CECR2: variants seen among roughly 807,000 people sequenced by gnomAD.
The protein encoded by CECR2 is chromatin remodeling regulator CECR2.
Under a neutral mutation model 154.5 loss-of-function variants are expected in CECR2, and 30 were observed. The observed-to-expected ratio is 0.19, with a 90% CI of 0.15 to 0.26. The LOEUF is 0.26. Ranked by LOEUF, CECR2 falls within the 10% of genes least tolerant of loss-of-function variation. The pLI is 1.00. For synonymous variants in CECR2, 725 were observed against 683.7 expected, an observed-to-expected ratio of 1.06 and a Z score of -0.94; for missense variants, 1,743 against 1,829.3, an observed-to-expected ratio of 0.95 and a Z score of 0.86.
At chr22:17,420,028 G>A (rs2054221241) in intron 1 of CECR2, among the ~76,000 whole-genome samples, 1 of 152,104 alleles carries the variant, frequency 6.6e-6, no homozygotes, top group Non-Finnish European at 1.5e-5. Flanking sequence ...GTAGAGGGGA[G>A]GATAAAAAGA....
intron 6 of CECR2, among the ~76,000 whole-genome samples, chr22:17,504,500 G>A (rs1331182778): frequency 2.0e-5 from 3 of 151,466 alleles, no homozygotes; most frequent in Non-Finnish European, 4.4e-5. Flanking sequence ...GCAGTGGCGT[G>A]ATCTCGGCTC....
intron 1 of CECR2, among the ~76,000 whole-genome samples, chr22:17,363,148 C>G (rs2062985485): frequency 6.6e-6 from 1 of 151,272 alleles, no homozygotes; most frequent in Non-Finnish European, 1.5e-5. Flanking sequence ...CTCCAGGGTT[C>G]AAGCGATTCT....
chr22:17,444,176 T>C (rs539893487), intron 1 of CECR2, among the ~76,000 whole-genome samples: 27 of 152,152 alleles, frequency 1.8e-4, no homozygotes, highest in Non-Finnish European at 2.1e-4. Context: ...CAGGCCCTGG[T>C]GGTTTCTTTT....
At chr22:17,512,928 C>G (rs2055985589) in intron 8 of CECR2, among the ~76,000 whole-genome samples, 1 of 152,038 alleles carries the variant, frequency 6.6e-6, no homozygotes, top group East Asian at 1.9e-4. Flanking sequence ...AGCAAAACAA[C>G]ATAAATGGGA....
chr22:17,416,078 C>T (rs1326303413), intron 1 of CECR2, among the ~76,000 whole-genome samples: 1 of 152,182 alleles, frequency 6.6e-6, no homozygotes, highest in East Asian at 1.9e-4. Context: ...CAACATGAAG[C>T]CTGCAGTCAA....
At chr22:17,531,179 T>A (rs1307181515) in intron 9 of CECR2, among the ~76,000 whole-genome samples, 2 of 152,056 alleles carry the variant, frequency 1.3e-5, no homozygotes, top group Non-Finnish European at 2.9e-5. Context: ...ACATGACTCT[T>A]TGGTAAAATG....
chr22:17,434,996 C>G (rs1438009415), intron 1 of CECR2, among the ~76,000 whole-genome samples: 1 of 152,142 alleles, frequency 6.6e-6, no homozygotes, highest in Non-Finnish European at 1.5e-5. Flanking sequence ...ACTCAGAAGC[C>G]TGCAGGGCCA....
intron 1 of CECR2, among the ~76,000 whole-genome samples, chr22:17,454,862 T>A (rs149887987): frequency 0.013 from 1,924 of 152,260 alleles, 31 homozygotes; most frequent in African/African-American, 0.044. Context: ...GAACATAAAT[T>A]TAATTTCCTC....
At chr22:17,527,233 AGATT>A (rs1407192532) in intron 9 of CECR2, among the ~76,000 whole-genome samples, 1 of 152,184 alleles carries the variant, frequency 6.6e-6, no homozygotes, top group African/African-American at 2.4e-5. Context: ...CAAGGCTGGC[AGATT>A]GTTTTAGCAC....
At chr22:17,477,378 AGT>A (rs1420289652) in intron 1 of CECR2, among the ~76,000 whole-genome samples, 1 of 152,134 alleles carries the variant, frequency 6.6e-6, no homozygotes, top group East Asian at 1.9e-4. Context: ...GGGAGGGAGT[AGT>A]GAGAGAAATA....
At chr22:17,478,213 T>G (rs1195437803) in intron 2 of CECR2, among the ~76,000 whole-genome samples, 1 of 152,182 alleles carries the variant, frequency 6.6e-6, no homozygotes, top group Admixed American at 6.5e-5. Flanking sequence ...TTGCTATGTG[T>G]CTATATAGGA....
At chr22:17,427,515 G>T (rs546460671) in intron 1 of CECR2, among the ~76,000 whole-genome samples, 2 of 152,110 alleles carry the variant, frequency 1.3e-5, no homozygotes, top group Admixed American at 6.5e-5. Flanking sequence ...GCGCGTCCAG[G>T]GTTTGTTCCT....
At chr22:17,443,190 A>G (rs2054610035) in intron 1 of CECR2, among the ~76,000 whole-genome samples, 1 of 152,130 alleles carries the variant, frequency 6.6e-6, no homozygotes, top group African/African-American at 2.4e-5. Flanking sequence ...TAAATCCATA[A>G]TGCCCAGGAA....
At chr22:17,413,493 C>T (rs567126180) in intron 1 of CECR2, among the ~76,000 whole-genome samples, 2 of 152,166 alleles carry the variant, frequency 1.3e-5, no homozygotes, top group Admixed American at 1.3e-4. Context: ...TTGTTCAGAC[C>T]TGGGGATCTT....
intron 1 of CECR2, among the ~76,000 whole-genome samples, chr22:17,387,855 AT>A (rs928786289): frequency 1.5e-3 from 227 of 151,360 alleles, no homozygotes; most frequent in African/African-American, 5.3e-3. Flanking sequence ...AACCAGAACA[AT>A]TTTTTTTTCT....
intron 1 of CECR2, among the ~76,000 whole-genome samples, chr22:17,394,528 T>TA (rs1166851893): frequency 6.6e-6 from 1 of 152,166 alleles, no homozygotes; most frequent in Non-Finnish European, 1.5e-5. Context: ...TCCATTGATC[T>TA]ATATATCTGT....
intron 8 of CECR2, among the ~76,000 whole-genome samples, chr22:17,521,589 G>T (rs940458138): frequency 9.9e-5 from 15 of 151,888 alleles, no homozygotes; most frequent in Non-Finnish European, 1.8e-4. Flanking sequence ...TTTTTCATGG[G>T]GTTGTTTGAT....
rs2056509940 is a variant in CECR2, at chr22:17,540,722, C to T, written c.1806C>T (p.Gly602=). 6.2e-7 allele frequency: 1 copy of T among 1,612,720 alleles called. No homozygotes were observed. Among genetic ancestry groups the T allele is most frequent in the Non-Finnish European group, 8.5e-7 (1 of 1,179,272 alleles). ...SSSTQPPREV[G]TSNGRGFSHP... ...CCACACAGCCCCCGCGGGAGGTGGG[C>T]ACTTCCAATGGCCGAGGTTTTTCTC... Residue 602 remains glycine, a synonymous_variant, in exon 14 of 19, where the codon GGC becomes GGT. Transcript: ENST00000262608.
rs567987744 is a variant in CECR2, at chr22:17,538,542, A to G, written c.1261A>G (p.Thr421Ala). The change falls in exon 11 of 19, where the codon ACT becomes GCT. Residue 421 changes from threonine (T) to alanine (A), a missense_variant. Thr to Ala is a moderately conservative substitution (Grantham distance 58). Around this residue, in one of 4 missense-constraint regions of CECR2, gnomAD observed 292 missense variants for 301.2 expected, o/e 0.97. Transcript: ENST00000262608. ...CAGCTTTGAGTTGGATGATGATTTC[A>G]CTGCTATGTATAAAGGTTAGTTCCC... Reference protein sequence around the residue: ...KDLFELDDDFTAMYKVLDVVK... With the variant: ...KDLFELDDDFAAMYKVLDVVK... 1.1e-5 allele frequency: 18 copies of G among 1,613,708 alleles called. No homozygotes were observed. Among genetic ancestry groups the G allele is most frequent in the Non-Finnish European group, 1.5e-5 (18 of 1,179,758 alleles).
Sources: gnomAD v4.1 joint callset for allele counts (sites outside exome capture counted in the v4.1 genomes callset) on GRCh38, gnomAD v4.1.1 for gene constraint, gnomAD v4.1.1 regional missense constraint, MANE v1.5 for transcripts, NCBI Gene and HGNC (gene_info 2026-07-23, HGNC 2026-07-21) for gene names.